Variants in RANBP3L observed in about 807,000 individuals in gnomAD.
RANBP3L encodes RAN binding protein 3 like.
In RANBP3L, 56 loss-of-function variants were observed where a neutral mutation model predicts 67.2. The ratio of observed to expected loss-of-function variants is 0.83; its 90% CI spans 0.67 to 1.04. The LOEUF (loss-of-function observed/expected upper bound fraction) is 1.04, where lower values mean the gene tolerates loss of function less well. Ranked by LOEUF, RANBP3L falls within the 50% of genes least tolerant of loss-of-function variation. The probability of loss-of-function intolerance (pLI) is 0.00; values close to 1 mark genes in which losing one functional copy is unlikely to be tolerated. For missense variants in RANBP3L, 496 were observed against 535.5 expected (o/e 0.93, Z 0.73); for synonymous variants, 164 against 181.4 (o/e 0.90, Z 0.77).
chr5:36,253,527 G>T, intron 12 of RANBP3L, 120 bp downstream of exon 12: 1 of 735,914 alleles, frequency 1.4e-6, no homozygotes, highest in Non-Finnish European at 2.2e-6. Context: ...CAGACATAAT[G>T]AATGGCTGAG....
intron 1 of RANBP3L, among the ~76,000 whole-genome samples, chr5:36,299,337 G>C (rs1752458425): frequency 1.6e-5 from 2 of 128,912 alleles, no homozygotes; most frequent in East Asian, 4.5e-4. Context: ...ATACATATAT[G>C]TGTGTGTGTG....
chr5:36,265,977 CAAAAAAAAAAAA>C (rs10717173), intron 4 of RANBP3L, among the ~76,000 whole-genome samples: 9 of 76,082 alleles, frequency 1.2e-4, no homozygotes, highest in Non-Finnish European at 1.7e-4. Flanking sequence ...GACTCCATTT[CAAAAAAAAAAAA>C]AAAAAAAAAA....
At chr5:36,299,787 T>C (rs945054449) in intron 1 of RANBP3L, among the ~76,000 whole-genome samples, 2 of 152,180 alleles carry the variant, frequency 1.3e-5, no homozygotes, top group African/African-American at 4.8e-5. Flanking sequence ...TGTGCAACTG[T>C]TAAAAATAAG....
chr5:36,284,483 A>G (rs1751191994), intron 1 of RANBP3L, among the ~76,000 whole-genome samples: 1 of 152,230 alleles, frequency 6.6e-6, no homozygotes, highest in Admixed American at 6.5e-5. Flanking sequence ...GATTTAGTGT[A>G]ATAGTTGAGC....
Position 36,262,034 on chromosome 5 carries a change from C to T in RANBP3L, c.489G>A (p.Glu163=), listed in dbSNP as rs1220158862. 1.3e-6 allele frequency: 2 copies of T among 1,553,598 alleles called. No homozygotes were observed. The highest frequency in any genetic ancestry group is 1.7e-4 in the Middle Eastern group (1 of 5,950). ...TTTCACTTAACAAATAGGAATTTCC[C>T]TCAGAAATCTGAAAGTAAAGAAATC... is the stretch of plus-strand genomic sequence containing the variant. ...TKEKTNNKIS[E]GNSYLLSENL... Residue 163 remains glutamate, a synonymous_variant, in exon 7 of 14, where the codon GAG becomes GAA. Coordinates refer to ENST00000296604, the MANE Select transcript of RANBP3L (RefSeq NM_145000.5).
intron 11 of RANBP3L, among the ~76,000 whole-genome samples, chr5:36,254,934 C>A (rs1435476671): frequency 6.6e-6 from 1 of 152,128 alleles, no homozygotes. Flanking sequence ...AATAACTACA[C>A]ACCTTAGAAC....
intron 1 of RANBP3L, among the ~76,000 whole-genome samples, chr5:36,279,510 C>T (rs1393690450): frequency 6.6e-6 from 1 of 152,116 alleles, no homozygotes; most frequent in African/African-American, 2.4e-5. Flanking sequence ...GGTAAGATAA[C>T]GAGGCCTCTG....
At position 36,268,388 on chromosome 5, in the gene RANBP3L, C is replaced by T. The variant is rs571883149; in HGVS notation, c.268+1002G>A. ...CTAATTTAGAAAAATCTTTTTATTT[C>T]TATTAATAAAAATGAGTACATCTGA... On this transcript the variant is annotated intron_variant, in intron 4 of 13. Coordinates refer to ENST00000296604, the MANE Select transcript of RANBP3L (RefSeq NM_145000.5). 5.4e-6 allele frequency: 3 copies of T among 552,454 alleles called. No individual in the cohort carries two copies. In the South Asian group the frequency reaches 8.5e-5, roughly 16 times the overall value. The allele number at this position is 552,454 out of a possible 1,614,324, so 34.2% of individuals were successfully genotyped here. A position where few individuals can be genotyped will look rare whatever the true frequency, so the allele number is the denominator to read the frequency against.
chr5:36,272,211 A>T (rs1014006150), intron 1 of RANBP3L, among the ~76,000 whole-genome samples: 1 of 152,218 alleles, frequency 6.6e-6, no homozygotes, highest in Non-Finnish European at 1.5e-5. Flanking sequence ...ATAATTTTTT[A>T]AATTTTAACA....
chr5:36,257,134 G>T (rs115356111), intron 9 of RANBP3L, 63 bp from the exon 10 acceptor site: 1 of 1,437,530 alleles, frequency 7.0e-7, no homozygotes, highest in South Asian at 1.3e-5. Flanking sequence ...AAAGTTCTTT[G>T]TTGCCCCTAT....
In RANBP3L at chr5:36,248,454, T is replaced by A. The variant is rs146525915; in HGVS notation, c.*1200A>T. The A allele has an allele frequency of 3.3e-5, 5 of 152,318 alleles. No individual in the cohort carries two copies. The highest frequency in any genetic ancestry group is 3.4e-3 in the Middle Eastern group (1 of 294). 9.4% of individuals were successfully genotyped at this position (152,318 alleles called of 1,614,324 possible). A position where few individuals can be genotyped will look rare whatever the true frequency, so the allele number is the denominator to read the frequency against. On this transcript the variant is annotated 3_prime_UTR_variant, in exon 14 of 14. Coordinates refer to ENST00000296604, the MANE Select transcript of RANBP3L (RefSeq NM_145000.5). Reference sequence around the variant, plus strand: ...TGAAGTTTGACTTAATAAATACTTATATATTTTTATTATTTTATAACAGGT... The same window carrying A: ...TGAAGTTTGACTTAATAAATACTTAAATATTTTTATTATTTTATAACAGGT...
intron 1 of RANBP3L, among the ~76,000 whole-genome samples, chr5:36,276,331 T>C (rs1166857059): frequency 1.3e-5 from 2 of 152,218 alleles, no homozygotes; most frequent in African/African-American, 4.8e-5. Flanking sequence ...GTGGTCCCTG[T>C]TATCTGTGAC....
intron 13 of RANBP3L, among the ~76,000 whole-genome samples, chr5:36,250,379 C>G (rs1035597969): frequency 7.2e-5 from 11 of 151,952 alleles, no homozygotes; most frequent in Admixed American, 2.0e-4. Flanking sequence ...GGTTATAATA[C>G]TGATCTGCAT....
intron 1 of RANBP3L, among the ~76,000 whole-genome samples, chr5:36,283,404 A>C (rs890495852): frequency 7.9e-5 from 12 of 151,666 alleles, no homozygotes; most frequent in African/African-American, 2.7e-4. Context: ...ATGTTACAAA[A>C]AAAAAAAAAC....
At chr5:36,257,278 G>A (rs1749051807) in intron 9 of RANBP3L, among the ~76,000 whole-genome samples, 176 bp downstream of exon 9, 2 of 151,872 alleles carry the variant, frequency 1.3e-5, no homozygotes, top group Admixed American at 6.6e-5. Context: ...TTATATATCA[G>A]ATAATCATAT....
At chr5:36,258,890 T>C (rs73081933) in intron 8 of RANBP3L, among the ~76,000 whole-genome samples, 13,820 of 152,172 alleles carry the variant, frequency 0.091, 1,792 homozygotes, top group African/African-American at 0.28. Flanking sequence ...CTGAGCTAAT[T>C]GGTCTGGGAT....
chr5:36,299,305 G>A (rs1033048903), intron 1 of RANBP3L, among the ~76,000 whole-genome samples: 8 of 149,742 alleles, frequency 5.3e-5, no homozygotes, highest in East Asian at 2.0e-4. Context: ...ATACACATAC[G>A]TATATCTGTA....
chr5:36,299,586 C>T (rs1752477637), intron 1 of RANBP3L, among the ~76,000 whole-genome samples: 1 of 152,122 alleles, frequency 6.6e-6, no homozygotes, highest in South Asian at 2.1e-4. Context: ...AATGTATAAT[C>T]CTTTGACTCC....
At chr5:36,297,873 C>A (rs563113322) in intron 1 of RANBP3L, among the ~76,000 whole-genome samples, 1 of 152,222 alleles carries the variant, frequency 6.6e-6, no homozygotes, top group African/African-American at 2.4e-5. Flanking sequence ...CACTTTGCAC[C>A]TTGTTGTTGC....
Sources: gnomAD v4.1 joint callset for allele counts (sites outside exome capture counted in the v4.1 genomes callset) on GRCh38, gnomAD v4.1.1 for gene constraint, MANE v1.5 for transcripts, NCBI Gene and HGNC (gene_info 2026-07-23, HGNC 2026-07-21) for gene names.